Variants in DKKL1 observed in about 807,000 individuals in gnomAD.
DKKL1 encodes the protein dickkopf like acrosomal protein 1.
A neutral mutation model predicts 16.5 loss-of-function variants in DKKL1; 11 were observed. That is an observed-to-expected ratio of 0.67 (90% CI 0.42 to 1.10). The LOEUF (loss-of-function observed/expected upper bound fraction) is 1.10, where lower values mean the gene tolerates loss of function less well. DKKL1 is among the 50% of genes least tolerant of loss of function. DKKL1 has a pLI of 0.00. For synonymous variants in DKKL1, 119 were observed against 133.2 expected, an observed-to-expected ratio of 0.89 and a Z score of 0.73; for missense variants, 320 against 308.1, an observed-to-expected ratio of 1.04 and a Z score of -0.29.
chr19:49,365,825 C>G lies in DKKL1; in HGVS notation c.357C>G (p.Ile119Met), dbSNP rs1285376010. ...MTDNKTGEVL[I>M]SENVVASIQP... ...ACAACAAGACAGGAGAGGTGCTGAT[C>G]TCCGAGAATGTGGTGGCATCCATTC... The change falls in exon 4 of 5, where the codon ATC becomes ATG. Residue 119 changes from isoleucine to methionine, a missense_variant. Coordinates refer to ENST00000221498, the MANE Select transcript of DKKL1 (RefSeq NM_014419.4). 3 of 1,614,062 alleles carry G rather than the reference C, an allele frequency of 1.9e-6. No individual in the cohort carries two copies. The highest frequency in any genetic ancestry group is 2.5e-6 in the Non-Finnish European group (3 of 1,180,036).
intron 4 of DKKL1, among the ~76,000 whole-genome samples, chr19:49,372,245 C>A (rs80249416): frequency 0.016 from 2,389 of 152,210 alleles, 55 homozygotes; most frequent in African/African-American, 0.054. Context: ...TGATAACATC[C>A]CTGGGCTCTA....
chr19:49,366,129 C>T (rs1045387902), intron 4 of DKKL1, among the ~76,000 whole-genome samples: 1 of 152,066 alleles, frequency 6.6e-6, no homozygotes, highest in Non-Finnish European at 1.5e-5. Context: ...CAGGGTTTCT[C>T]CATGTTGGTC....
upstream of DKKL1, among the ~76,000 whole-genome samples, chr19:49,360,738 CAGAGACCCAGAGAGGGAGGGGGACAG>C (rs1972794278): frequency 1.3e-5 from 1 of 75,710 alleles, no homozygotes; most frequent in Admixed American, 1.7e-4. Flanking sequence ...GAGAGGGGGA[CAGAGACCCAGAGAGGGAGGGGGACAG>C]AGACCCAGAG....
chr19:49,373,459 CAA>C (rs1468734805), intron 4 of DKKL1, among the ~76,000 whole-genome samples: 1 of 152,022 alleles, frequency 6.6e-6, no homozygotes, highest in Non-Finnish European at 1.5e-5. Context: ...GGGGAGGAAA[CAA>C]TATGGTTGTT....
chr19:49,374,938 A>T lies in DKKL1; in HGVS notation c.639A>T (p.Leu213=), dbSNP rs1261274767. ...GCAAGGGGACCCACAAGGACGTCCT[A>T]GAAGAGGGGACCGAGAGCTCCTCCC... The part of the protein sequence containing the change: ...GLRKGTHKDV[L]EEGTESSSHS... The change falls in exon 5 of 5, where the codon CTA becomes CTT. Residue 213 remains leucine, a synonymous_variant. Transcript: ENST00000221498. The T allele has an allele frequency of 6.2e-7, 1 of 1,613,776 alleles. No homozygotes were observed. Among genetic ancestry groups the T allele is most frequent in the Non-Finnish European group, 8.5e-7 (1 of 1,179,940 alleles).
In DKKL1 at chr19:49,374,222, G is replaced by A. The variant is rs182441120; in HGVS notation, c.418-495G>A. On this transcript the variant is annotated intron_variant, in intron 4 of 4. Transcript: ENST00000221498. ...AGGATGGTCTCGATCTCCTGACCTC[G>A]TGATCCGCCAGCCTCGGCCTCCCAC... 6.2e-3 allele frequency among the ~76,000 whole-genome samples: 942 copies of A among 152,240 alleles called. 9 individuals carry two copies. Among genetic ancestry groups the A allele is most frequent in the African/African-American group, 0.022 (903 of 41,540 alleles).
chr19:49,364,770 G>A lies in DKKL1; in HGVS notation c.183+16G>A, dbSNP rs753213646. 8.7e-6 allele frequency: 14 copies of A among 1,609,042 alleles called. No homozygotes were observed. Among genetic ancestry groups the A allele is most frequent in the Non-Finnish European group, 1.2e-5 (14 of 1,177,284 alleles). Reference sequence around the variant, plus strand: ...TTTCCTGAAAGTAAGCGATGGCGGGGGGATGGGGGAAGAAGTACTGAGAAG... The same window carrying A: ...TTTCCTGAAAGTAAGCGATGGCGGGAGGATGGGGGAAGAAGTACTGAGAAG... On this transcript the variant is annotated intron_variant, in intron 2 of 4. Transcript: ENST00000221498.
chr19:49,365,480 C>A (rs779066964), intron 2 of DKKL1, 29 bp from the exon 3 acceptor site: 1 of 1,570,166 alleles, frequency 6.4e-7, no homozygotes. Flanking sequence ...TGAGGTCCAG[C>A]AGCTCACCAG....
Position 49,365,775 on chromosome 19 carries a change from C to T in DKKL1, c.325-18C>T. On this transcript the variant is annotated intron_variant, in intron 3 of 4. Transcript: ENST00000221498. Reference sequence around the variant, plus strand: ...AGGAAAGCAGGTTTGCTCTCACTCTCTCATCGGATCCTCACAGATGACCGA... The same window carrying T: ...AGGAAAGCAGGTTTGCTCTCACTCTTTCATCGGATCCTCACAGATGACCGA... 1 of 1,612,690 alleles carries T rather than the reference C, an allele frequency of 6.2e-7. No individual in the cohort carries two copies. The highest frequency in any genetic ancestry group is 8.5e-7 in the Non-Finnish European group (1 of 1,179,236).
At chr19:49,373,841 GAT>G (rs1441588832) in intron 4 of DKKL1, among the ~76,000 whole-genome samples, 11 of 152,140 alleles carry the variant, frequency 7.2e-5, no homozygotes, top group African/African-American at 2.7e-4. Flanking sequence ...AAGGCAGACT[GAT>G]TCAGCAGGTC....
chr19:49,368,535 G>GT (rs199974960), intron 4 of DKKL1, among the ~76,000 whole-genome samples: 2 of 151,496 alleles, frequency 1.3e-5, no homozygotes, highest in East Asian at 1.9e-4. Flanking sequence ...CTACAGAAAA[G>GT]TTTTTTTTAA....
upstream of DKKL1, among the ~76,000 whole-genome samples, chr19:49,362,632 C>T (rs989909533): frequency 2.0e-5 from 3 of 150,082 alleles, no homozygotes; most frequent in Non-Finnish European, 4.4e-5. Flanking sequence ...GACTCCAAGT[C>T]GGAGGGAAAA....
chr19:49,361,856 TCCCAGCC>T (rs1972969353), upstream of DKKL1: 1 of 152,184 alleles, frequency 6.6e-6, no homozygotes, highest in South Asian at 2.1e-4. Flanking sequence ...TAGGCCAAAA[TCCCAGCC>T]CAGCCCTTCC....
In DKKL1 at chr19:49,374,736, A is replaced by C; in HGVS notation, c.437A>C (p.Lys146Thr). 1 of 1,535,760 alleles carries C rather than the reference A, an allele frequency of 6.5e-7. No homozygotes were observed. The highest frequency in any genetic ancestry group is 8.8e-7 in the Non-Finnish European group (1 of 1,140,804). The change falls in exon 5 of 5, where the codon AAG becomes ACG. Residue 146 changes from lysine (K) to threonine (T), a missense_variant. Coordinates refer to ENST00000221498, the MANE Select transcript of DKKL1 (RefSeq NM_014419.4). ...GDLKVPRMEE[K>T]EALVPIQKAT... is the part of the protein sequence containing the mutation. ...CCCCAGGTACCCAGGATGGAGGAGAAGGAGGCCCTGGTACCCATCCAGAAG... is the reference window on the plus strand; with the variant it reads ...CCCCAGGTACCCAGGATGGAGGAGACGGAGGCCCTGGTACCCATCCAGAAG...
At chr19:49,362,919 G>GTTGTTTT (rs1568588572), upstream of DKKL1, among the ~76,000 whole-genome samples, 1 of 130,258 alleles carries the variant, frequency 7.7e-6, no homozygotes, top group Non-Finnish European at 1.6e-5. Context: ...TGGTTTTTTT[G>GTTGTTTT]TTTTTTGTTT....
At chr19:49,362,385 G>A (rs1973018935), upstream of DKKL1, 1 of 152,236 alleles carries the variant, frequency 6.6e-6, no homozygotes, top group Non-Finnish European at 1.5e-5. Flanking sequence ...CCCGGCCTGG[G>A]GCTGGGGAGC....
At chr19:49,367,824 T>G (rs1044390471) in intron 4 of DKKL1, among the ~76,000 whole-genome samples, 1 of 152,212 alleles carries the variant, frequency 6.6e-6, no homozygotes, top group Admixed American at 6.5e-5. Flanking sequence ...ATCCATATGA[T>G]ACCCACGTAC....
intron 1 of DKKL1, among the ~76,000 whole-genome samples, chr19:49,364,352 A>T (rs573048801): frequency 6.6e-6 from 1 of 151,584 alleles, no homozygotes; most frequent in African/African-American, 2.4e-5. Context: ...GGTCTCAAAA[A>T]AAAAAAAAAA....
chr19:49,365,915 C>T, intron 4 of DKKL1, 30 bp downstream of exon 4: 1 of 1,584,998 alleles, frequency 6.3e-7, no homozygotes, highest in Non-Finnish European at 8.6e-7. Flanking sequence ...TCAAAGTGTC[C>T]AGGCCCAAAC....
Sources: gnomAD v4.1 joint callset for allele counts (sites outside exome capture counted in the v4.1 genomes callset) on GRCh38, gnomAD v4.1.1 for gene constraint, MANE v1.5 for transcripts, NCBI Gene and HGNC (gene_info 2026-07-23, HGNC 2026-07-21) for gene names.